Variants in CAMK2D observed in about 807,000 individuals in gnomAD.
CAMK2D encodes calcium/calmodulin-dependent protein kinase type II subunit delta.
Under a neutral mutation model 84.0 loss-of-function variants are expected in CAMK2D, and 37 were observed. That is an observed-to-expected ratio of 0.44 (90% CI 0.34 to 0.58). The LOEUF (loss-of-function observed/expected upper bound fraction) is 0.58. Ranked by LOEUF, CAMK2D falls within the 20% of genes least tolerant of loss-of-function variation. The pLI, the probability that CAMK2D is intolerant of heterozygous loss-of-function variation, is 0.02. For synonymous variants in CAMK2D, 202 were observed against 212.5 expected (o/e 0.95, Z 0.43); for missense variants, 448 against 652.5 (o/e 0.69, Z 3.41).
chr4:113,489,110 C>T (rs2097794145), intron 16 of CAMK2D, among the ~76,000 whole-genome samples: 1 of 151,994 alleles, frequency 6.6e-6, no homozygotes, highest in African/African-American at 2.4e-5. Context: ...CTTAAAAAAT[C>T]AGCAGGTAGT....
rs184272257 is a variant in CAMK2D, at chr4:113,584,870, A to G, written c.275+24282T>C. Among the ~76,000 whole-genome samples, 46 of 152,290 alleles carry G rather than the reference A, an allele frequency of 3.0e-4. No homozygotes were observed. The East Asian group carries it at 8.7e-3, about 29-fold the overall frequency. On this transcript the variant is annotated intron_variant, in intron 4 of 20. Transcript: ENST00000511664. ...CTATCTTTTATCTTAAGAAAAAAAA[A>G]GTTTTCTGGTTCTTTACGTATTTCT...
At chr4:113,622,417 A>G (rs1050213646) in intron 3 of CAMK2D, among the ~76,000 whole-genome samples, 6 of 152,078 alleles carry the variant, frequency 3.9e-5, no homozygotes, top group Non-Finnish European at 7.4e-5. Context: ...ATTCCTTCAC[A>G]TTCTCCCTCA....
At chr4:113,715,222 T>C (rs532011522) in intron 2 of CAMK2D, among the ~76,000 whole-genome samples, 1 of 152,132 alleles carries the variant, frequency 6.6e-6, no homozygotes, top group Non-Finnish European at 1.5e-5. Flanking sequence ...TTGTTGATAT[T>C]GAAGATTGCT....
At chr4:113,460,973 T>C (rs2097366283) in intron 17 of CAMK2D, among the ~76,000 whole-genome samples, 1 of 152,128 alleles carries the variant, frequency 6.6e-6, no homozygotes, top group African/African-American at 2.4e-5. Context: ...ACAGGGGTGA[T>C]CCACCATGCT....
intron 4 of CAMK2D, 42 bp downstream of exon 4, chr4:113,609,110 C>A: frequency 9.4e-7 from 1 of 1,065,176 alleles, no homozygotes; most frequent in South Asian, 1.3e-5. Context: ...AAACGGTCCT[C>A]AATTAGATTG....
intron 17 of CAMK2D, 104 bp from the exon 18 acceptor site, chr4:113,460,345 C>G (rs756996923): frequency 1.3e-6 from 1 of 741,370 alleles, no homozygotes; most frequent in Non-Finnish European, 2.4e-6. Flanking sequence ...AAGGAAAGAG[C>G]CTCTAAAAAC....
intron 18 of CAMK2D, 101 bp from the exon 19 acceptor site, chr4:113,457,664 TTCAC>T (rs1163760377): frequency 4.8e-5 from 40 of 829,824 alleles, no homozygotes; most frequent in Admixed American, 4.5e-4. Context: ...ATGACATTTA[TTCAC>T]TCACTAATTA....
At chr4:113,539,531 A>G (rs1271505594) in intron 6 of CAMK2D, among the ~76,000 whole-genome samples, 1 of 152,240 alleles carries the variant, frequency 6.6e-6, no homozygotes, top group East Asian at 1.9e-4. Context: ...ATTGTGCCTC[A>G]AGCACCAAGT....
At chr4:113,694,226 G>A (rs2099396488) in intron 2 of CAMK2D, among the ~76,000 whole-genome samples, 1 of 152,132 alleles carries the variant, frequency 6.6e-6, no homozygotes, top group South Asian at 2.1e-4. Flanking sequence ...CAGATTAATG[G>A]AGCATCAAGA....
intron 3 of CAMK2D, among the ~76,000 whole-genome samples, chr4:113,655,758 A>G (rs1181744007): frequency 6.6e-6 from 1 of 152,098 alleles, no homozygotes; most frequent in Non-Finnish European, 1.5e-5. Flanking sequence ...ACAATCAGAT[A>G]AGTCAGATCA....
At chr4:113,510,326 AG>A (rs1463375082) in intron 12 of CAMK2D, among the ~76,000 whole-genome samples, 1 of 152,226 alleles carries the variant, frequency 6.6e-6, no homozygotes, top group African/African-American at 2.4e-5. Context: ...CAGAATACAA[AG>A]GCTTCATAAA....
chr4:113,733,179 G>A (rs980204901), intron 2 of CAMK2D, among the ~76,000 whole-genome samples: 2 of 152,008 alleles, frequency 1.3e-5, no homozygotes, highest in African/African-American at 4.8e-5. Context: ...GGTGATATTC[G>A]GCAAACCAGA....
chr4:113,717,895 A>C (rs1275782834), intron 2 of CAMK2D, among the ~76,000 whole-genome samples: 4 of 152,116 alleles, frequency 2.6e-5, no homozygotes, highest in Non-Finnish European at 5.9e-5. Context: ...TATGCTGTTA[A>C]CCATTAGATA....
intron 13 of CAMK2D, among the ~76,000 whole-genome samples, chr4:113,506,387 ACTTTC>A (rs778428285): frequency 2.6e-5 from 4 of 152,286 alleles, no homozygotes; most frequent in Admixed American, 2.0e-4. Context: ...AAACTTCTAA[ACTTTC>A]CTTTACTGGA....
chr4:113,715,459 T>G lies in CAMK2D; in HGVS notation c.160+43861A>C, dbSNP rs78399940. On this transcript the variant is annotated intron_variant, in intron 2 of 20. Transcript: ENST00000511664. Reference sequence around the variant, plus strand: ...TATATCATAAAAGACCATTCAATTTTATCAAGTTATTTCTACCAACATTTT... The same window carrying G: ...TATATCATAAAAGACCATTCAATTTGATCAAGTTATTTCTACCAACATTTT... Among the ~76,000 whole-genome samples, 1,139 of 152,304 alleles carry G rather than the reference T, an allele frequency of 7.5e-3. 15 individuals carry two copies. Among genetic ancestry groups the G allele is most frequent in the African/African-American group, 0.026 (1,064 of 41,582 alleles).
chr4:113,601,036 C>T (rs572484703), intron 4 of CAMK2D, among the ~76,000 whole-genome samples: 24 of 152,222 alleles, frequency 1.6e-4, no homozygotes, highest in East Asian at 1.4e-3. Flanking sequence ...GAATTTATGA[C>T]AATTATCCCT....
chr4:113,531,077 C>G, intron 8 of CAMK2D, 139 bp downstream of exon 8: 1 of 578,644 alleles, frequency 1.7e-6, no homozygotes, highest in Non-Finnish European at 3.1e-6. Flanking sequence ...GAGCAAGACA[C>G]TGTATCAAAA....
At chr4:113,495,944 G>A (rs2097921777) in intron 16 of CAMK2D, among the ~76,000 whole-genome samples, 1 of 152,150 alleles carries the variant, frequency 6.6e-6, no homozygotes, top group Non-Finnish European at 1.5e-5. Flanking sequence ...GCACAAGAAT[G>A]CTGGGAAACA....
intron 2 of CAMK2D, among the ~76,000 whole-genome samples, chr4:113,698,925 A>G (rs975919119): frequency 3.3e-5 from 5 of 152,086 alleles, no homozygotes; most frequent in African/African-American, 1.2e-4. Flanking sequence ...GGGGAATTTC[A>G]TGTTCACTTT....
Sources: gnomAD v4.1 joint callset for allele counts (sites outside exome capture counted in the v4.1 genomes callset) on GRCh38, gnomAD v4.1.1 for gene constraint, MANE v1.5 for transcripts, NCBI Gene and HGNC (gene_info 2026-07-23, HGNC 2026-07-21) for gene names.